Variants in CPLX4 observed in about 807,000 individuals in gnomAD.
CPLX4 encodes the protein complexin 4.
CPLX4 carries 17 observed loss-of-function variants against 16.1 expected under a neutral mutation model. That is an observed-to-expected ratio of 1.06 (90% CI 0.72 to 1.59). CPLX4 has a LOEUF of 1.59. CPLX4 is among the 40% of genes most tolerant of loss of function. The pLI is 0.00. For synonymous variants in CPLX4, 55 were observed against 57.8 expected, an observed-to-expected ratio of 0.95 and a Z score of 0.22; for missense variants, 193 against 192.9, an observed-to-expected ratio of 1.00 and a Z score of 0.00.
At chr18:59,305,443 A>AGACT (rs1184202944) in intron 2 of CPLX4, among the ~76,000 whole-genome samples, 2 of 152,212 alleles carry the variant, frequency 1.3e-5, no homozygotes, top group African/African-American at 2.4e-5. Context: ...GAGGGGGACA[A>AGACT]GACTCCAAGT....
At position 59,312,822 on chromosome 18, in the gene CPLX4, T is replaced by A. The variant is rs777295071; in HGVS notation, c.168-50A>T. ...AGAAGGATACAGAGAGCTAAGGACA[T>A]TCCTGCCCGTGCTCAGAGGAGCCAG... On this transcript the variant is annotated intron_variant, in intron 1 of 2. Coordinates refer to ENST00000299721, the MANE Select transcript of CPLX4 (RefSeq NM_181654.4). 4.6e-6 allele frequency: 4 copies of A among 866,878 alleles called. No homozygotes were observed. The South Asian group carries it at 5.5e-5, about 12-fold the overall frequency. 53.7% of individuals were successfully genotyped at this position (866,878 alleles called of 1,614,324 possible).
At chr18:59,317,226 T>C (rs1455903042) in intron 1 of CPLX4, among the ~76,000 whole-genome samples, 2 of 152,162 alleles carry the variant, frequency 1.3e-5, no homozygotes, top group East Asian at 3.8e-4. Context: ...ATCTTAGCGA[T>C]AGGATTTAGG....
intron 2 of CPLX4, among the ~76,000 whole-genome samples, chr18:59,298,559 G>A (rs1047386816): frequency 6.7e-6 from 1 of 149,924 alleles, no homozygotes; most frequent in African/African-American, 2.4e-5. Flanking sequence ...GACGATCTTA[G>A]TCAAACAGAC....
chr18:59,303,088 C>T (rs979274283), intron 2 of CPLX4, among the ~76,000 whole-genome samples: 12 of 152,228 alleles, frequency 7.9e-5, no homozygotes, highest in African/African-American at 2.9e-4. Context: ...CTCTCACTGT[C>T]CTGGTTATGA....
chr18:59,298,248 C>A (rs2070516621), intron 2 of CPLX4, among the ~76,000 whole-genome samples: 1 of 152,142 alleles, frequency 6.6e-6, no homozygotes, highest in Admixed American at 6.5e-5. Context: ...CACCCCCATA[C>A]TCAGCTGAGA....
At chr18:59,301,219 G>A (rs966418063) in intron 2 of CPLX4, among the ~76,000 whole-genome samples, 1 of 152,242 alleles carries the variant, frequency 6.6e-6, no homozygotes, top group African/African-American at 2.4e-5. Flanking sequence ...TAAGCAGCTT[G>A]AGCATAGTCT....
At chr18:59,303,278 A>C (rs927367142) in intron 2 of CPLX4, among the ~76,000 whole-genome samples, 1 of 152,132 alleles carries the variant, frequency 6.6e-6, no homozygotes, top group Non-Finnish European at 1.5e-5. Flanking sequence ...AAGAATAGGC[A>C]TCAGTTTTCA....
intron 2 of CPLX4, among the ~76,000 whole-genome samples, chr18:59,304,495 T>C (rs2070562444): frequency 6.6e-6 from 1 of 152,262 alleles, no homozygotes. Context: ...GTTATTTTCA[T>C]AAAATTGTAT....
Position 59,296,732 on chromosome 18 carries a change from T to C in CPLX4, c.449A>G (p.Lys150Arg). ...GGAACACTTCTGCTCCGCTGTCTGC[T>C]TGATTTCAGTGAAGGTGGCCTGGGC... ...EKAQATFTEIKQTAEQKCSVM is the reference protein window; with the variant it reads ...EKAQATFTEIRQTAEQKCSVM Residue 150 changes from lysine to arginine, a missense_variant, in exon 3 of 3, where the codon AAG becomes AGG. Coordinates refer to ENST00000299721, the MANE Select transcript of CPLX4 (RefSeq NM_181654.4). 1 of 1,602,118 alleles carries C rather than the reference T, an allele frequency of 6.2e-7. No individual in the cohort carries two copies. The highest frequency in any genetic ancestry group is 8.5e-7 in the Non-Finnish European group (1 of 1,173,246).
chr18:59,296,465 T>A lies in CPLX4; in HGVS notation c.*233A>T, dbSNP rs75707948. 0.023 allele frequency: 13,044 copies of A among 560,982 alleles called. 1,282 individuals carry two copies. The East Asian group carries it at 0.27, about 11-fold the overall frequency. The allele number at this position is 560,982 out of a possible 1,614,324, so 34.8% of individuals were successfully genotyped here. The stretch of plus-strand genomic sequence containing the variant: ...TCTGCATCATCATTTACAACTGAAA[T>A]TTTCCAGTTTATCTCATTTATAACT... On this transcript the variant is annotated 3_prime_UTR_variant, in exon 3 of 3. Coordinates refer to ENST00000299721, the MANE Select transcript of CPLX4 (RefSeq NM_181654.4).
At chr18:59,312,990 A>G (rs2070627890) in intron 1 of CPLX4, among the ~76,000 whole-genome samples, 1 of 152,156 alleles carries the variant, frequency 6.6e-6, no homozygotes, top group African/African-American at 2.4e-5. Context: ...AGTCTCAAAG[A>G]CAATTTGGTC....
intron 2 of CPLX4, among the ~76,000 whole-genome samples, chr18:59,311,733 T>C (rs1329367925): frequency 6.6e-6 from 1 of 152,162 alleles, no homozygotes; most frequent in East Asian, 1.9e-4. Flanking sequence ...TGGAGTCAGG[T>C]GGTATGAGTC....
intron 2 of CPLX4, among the ~76,000 whole-genome samples, chr18:59,310,957 T>C (rs1017025062): frequency 7.3e-5 from 7 of 96,198 alleles, no homozygotes; most frequent in South Asian, 5.5e-4. Context: ...CGTGTGTGTG[T>C]GTGTGTGTGT....
intron 2 of CPLX4, among the ~76,000 whole-genome samples, chr18:59,309,309 G>T (rs1347223201): frequency 6.6e-6 from 1 of 152,186 alleles, no homozygotes; most frequent in Non-Finnish European, 1.5e-5. Context: ...GGAGGAGGGG[G>T]TCCCCACCTG....
At chr18:59,305,312 C>T (rs556697616) in intron 2 of CPLX4, among the ~76,000 whole-genome samples, 1 of 152,156 alleles carries the variant, frequency 6.6e-6, no homozygotes, top group South Asian at 2.1e-4. Context: ...TCATGGCATA[C>T]AGGACAAGGA....
Position 59,296,558 on chromosome 18 carries a change from C to A in CPLX4, c.*140G>T. The A allele has an allele frequency of 1.1e-6, 1 of 888,168 alleles. No homozygotes were observed. The highest frequency in any genetic ancestry group is 1.7e-6 in the Non-Finnish European group (1 of 573,068). The allele number at this position is 888,168 out of a possible 1,614,324, so 55.0% of individuals were successfully genotyped here. A position where few individuals can be genotyped will look rare whatever the true frequency, so the allele number is the denominator to read the frequency against. On this transcript the variant is annotated 3_prime_UTR_variant, in exon 3 of 3. Coordinates refer to ENST00000299721, the MANE Select transcript of CPLX4 (RefSeq NM_181654.4). ...CTCTGCCAGGAATATTTAGAACAAC[C>A]AAATTATTGTCTGTCAATGGATCAT... is the stretch of plus-strand genomic sequence containing the variant.
intron 2 of CPLX4, among the ~76,000 whole-genome samples, chr18:59,308,157 G>C (rs1419492127): frequency 6.6e-6 from 1 of 152,136 alleles, no homozygotes; most frequent in Non-Finnish European, 1.5e-5. Flanking sequence ...GGTACCTACA[G>C]TTCAATAACA....
chr18:59,298,085 A>T (rs1300395301), intron 2 of CPLX4, among the ~76,000 whole-genome samples: 2 of 150,226 alleles, frequency 1.3e-5, no homozygotes, highest in African/African-American at 4.9e-5. Context: ...GGTCTTTGAG[A>T]TTCCTTTATT....
At chr18:59,312,438 G>GTATA (rs140555708) in intron 2 of CPLX4, among the ~76,000 whole-genome samples, 203 of 143,540 alleles carry the variant, frequency 1.4e-3, no homozygotes, top group Admixed American at 2.5e-3. Context: ...ATGTGTGTGT[G>GTATA]TATATATATA....
Sources: gnomAD v4.1 joint callset for allele counts (sites outside exome capture counted in the v4.1 genomes callset) on GRCh38, gnomAD v4.1.1 for gene constraint, MANE v1.5 for transcripts, NCBI Gene and HGNC (gene_info 2026-07-23, HGNC 2026-07-21) for gene names.